ADAMTS20: variants seen among roughly 807,000 people sequenced by gnomAD.
The protein encoded by ADAMTS20 is A disintegrin and metalloproteinase with thrombospondin motifs 20.
ADAMTS20 carries 225 observed loss-of-function variants against 260.1 expected under a neutral mutation model. The ratio of observed to expected loss-of-function variants is 0.87; its 90% confidence interval spans 0.78 to 0.97. The LOEUF is 0.97. Ranked by LOEUF, ADAMTS20 falls within the 50% of genes least tolerant of loss-of-function variation. The pLI is 0.00. For missense variants in ADAMTS20, 2,400 were observed against 2,337.7 expected, an observed-to-expected ratio of 1.03 and a Z score of -0.55; for synonymous variants, 802 against 769.5, an observed-to-expected ratio of 1.04 and a Z score of -0.70.
intron 28 of ADAMTS20, among the ~76,000 whole-genome samples, chr12:43,413,117 T>A (rs1261530199): frequency 6.6e-6 from 1 of 152,084 alleles, no homozygotes; most frequent in African/African-American, 2.4e-5. Flanking sequence ...CCGGTAATAA[T>A]TTTTTTATTA....
Position 43,452,413 on chromosome 12 carries a change from G to A in ADAMTS20, c.1943-3C>T, listed in dbSNP as rs773739526. The A allele has an allele frequency of 1.2e-6, 2 of 1,605,654 alleles. No homozygotes were observed. Among genetic ancestry groups the A allele is most frequent in the East Asian group, 2.2e-5 (1 of 44,842 alleles). On this transcript the variant is annotated splice_region_variant and splice_polypyrimidine_tract_variant and intron_variant, in intron 13 of 38. Coordinates refer to ENST00000389420, the MANE Select transcript of ADAMTS20 (RefSeq NM_025003.5). The stretch of plus-strand genomic sequence containing the variant: ...TTTACAACGATCCTTTGTGCCAACT[G>A]TAAAAAAGAAAAAGGTCAAATTTTT...
chr12:43,531,996 A>T, intron 3 of ADAMTS20, 40 bp downstream of exon 3: 1 of 1,290,634 alleles, frequency 7.7e-7, no homozygotes. Flanking sequence ...TTTAAATAGT[A>T]TCACTATTTA....
chr12:43,377,671 T>C (rs1940260545), intron 31 of ADAMTS20, 109 bp from the exon 32 acceptor site: 11 of 872,538 alleles, frequency 1.3e-5, no homozygotes, highest in South Asian at 2.4e-5. Flanking sequence ...ACAACAATCC[T>C]ATTTAATTAG....
At chr12:43,506,100 G>A (rs1942836688) in intron 3 of ADAMTS20, among the ~76,000 whole-genome samples, 1 of 151,762 alleles carries the variant, frequency 6.6e-6, no homozygotes, top group Non-Finnish European at 1.5e-5. Flanking sequence ...TCCAGCTTGG[G>A]TAAGAATGAG....
intron 3 of ADAMTS20, among the ~76,000 whole-genome samples, chr12:43,511,778 A>G (rs1187869659): frequency 1.3e-5 from 2 of 152,136 alleles, no homozygotes; most frequent in African/African-American, 4.8e-5. Context: ...CAGATAAGGA[A>G]ACACATTTTA....
At chr12:43,530,140 G>A (rs1943200594) in intron 3 of ADAMTS20, among the ~76,000 whole-genome samples, 1 of 151,788 alleles carries the variant, frequency 6.6e-6, no homozygotes. Flanking sequence ...TTTATTTGTA[G>A]CTTTCTAGTA....
At chr12:43,531,117 C>T (rs1386113288) in intron 3 of ADAMTS20, among the ~76,000 whole-genome samples, 15 of 151,866 alleles carry the variant, frequency 9.9e-5, no homozygotes, top group Non-Finnish European at 1.9e-4. Context: ...GTGTTACCCT[C>T]AAACAATGAA....
chr12:43,495,236 C>T (rs1326338698), intron 4 of ADAMTS20, among the ~76,000 whole-genome samples: 1 of 152,088 alleles, frequency 6.6e-6, no homozygotes, highest in Non-Finnish European at 1.5e-5. Flanking sequence ...TATATTACTA[C>T]AGCAAAATAT....
At chr12:43,436,235 G>C (rs1000723513) in intron 18 of ADAMTS20, among the ~76,000 whole-genome samples, 2 of 152,146 alleles carry the variant, frequency 1.3e-5, no homozygotes, top group African/African-American at 4.8e-5. Flanking sequence ...TAGAACCCAA[G>C]AGAGGCCCAG....
chr12:43,480,967 C>T (rs1223286057), intron 7 of ADAMTS20, among the ~76,000 whole-genome samples: 1 of 151,748 alleles, frequency 6.6e-6, no homozygotes, highest in Non-Finnish European at 1.5e-5. Flanking sequence ...TCAGATGTCT[C>T]ACCAAAAAAA....
In ADAMTS20 at chr12:43,428,514, G is replaced by A; in HGVS notation, c.3672C>T (p.Gly1224=). ...AAACTTGTCGAGTTGTTTTTCCATG[G>A]CCACAGGAAGCTGAACACTGATCAA... ...GDWSPCSASC[G]HGKTTRQVLC... The change falls in exon 26 of 39, where the codon GGC becomes GGT. Residue 1224 remains glycine, a synonymous_variant. Coordinates refer to ENST00000389420, the MANE Select transcript of ADAMTS20 (RefSeq NM_025003.5). 3 of 1,613,208 alleles carry A rather than the reference G, an allele frequency of 1.9e-6. No individual in the cohort carries two copies. Among genetic ancestry groups the A allele is most frequent in the African/African-American group, 1.3e-5 (1 of 75,004 alleles).
intron 5 of ADAMTS20, 121 bp downstream of exon 5, chr12:43,493,049 C>T (rs1393599825): frequency 5.6e-6 from 4 of 718,474 alleles, no homozygotes; most frequent in African/African-American, 5.4e-5. Flanking sequence ...CATTCCTTCT[C>T]AAATCAAGTC....
chr12:43,360,157 A>C (rs571002470), intron 37 of ADAMTS20, among the ~76,000 whole-genome samples: 4 of 152,340 alleles, frequency 2.6e-5, no homozygotes, highest in South Asian at 2.1e-4. Flanking sequence ...ACTTGAAAAC[A>C]CATATCACCG....
intron 37 of ADAMTS20, among the ~76,000 whole-genome samples, chr12:43,363,323 TG>T: frequency 6.6e-6 from 1 of 152,178 alleles, no homozygotes; most frequent in Non-Finnish European, 1.5e-5. Flanking sequence ...CAAGAGTAGC[TG>T]AGAGTCTGAA....
At chr12:43,492,408 CA>C in intron 6 of ADAMTS20, 96 bp downstream of exon 6, 1 of 1,159,124 alleles carries the variant, frequency 8.6e-7, no homozygotes, top group South Asian at 1.8e-5. Flanking sequence ...AAAAGAAAAA[CA>C]AAAACAAAAC....
chr12:43,408,232 T>C (rs1940956193), intron 28 of ADAMTS20, among the ~76,000 whole-genome samples: 1 of 152,134 alleles, frequency 6.6e-6, no homozygotes, highest in South Asian at 2.1e-4. Context: ...TCCACTCCCA[T>C]CTTACCCCTG....
At chr12:43,506,312 T>C (rs113909335) in intron 3 of ADAMTS20, among the ~76,000 whole-genome samples, 3 of 151,642 alleles carry the variant, frequency 2.0e-5, no homozygotes, top group African/African-American at 7.3e-5. Flanking sequence ...AAAAGTATAC[T>C]GGTGGTTACC....
At chr12:43,401,666 T>C (rs1220839036) in intron 28 of ADAMTS20, among the ~76,000 whole-genome samples, 3 of 151,800 alleles carry the variant, frequency 2.0e-5, no homozygotes, top group Non-Finnish European at 4.4e-5. Context: ...ACTGTTATTG[T>C]CATTGAACAT....
chr12:43,439,151 C>T (rs1941611493), intron 18 of ADAMTS20, among the ~76,000 whole-genome samples: 1 of 152,134 alleles, frequency 6.6e-6, no homozygotes, highest in African/African-American at 2.4e-5. Flanking sequence ...CTATTTCTTT[C>T]CATTTTTCAT....
Sources: allele counts gnomAD v4.1 joint callset (sites outside exome capture counted in the v4.1 genomes callset), GRCh38; gene constraint gnomAD v4.1.1; transcripts MANE v1.5; gene names NCBI Gene and HGNC (gene_info 2026-07-23, HGNC 2026-07-21).